ZEB2: variants seen among roughly 807,000 people sequenced by gnomAD.
ZEB2 encodes zinc finger E-box binding homeobox 2, also known as zinc finger E-box-binding homeobox 2.
In ZEB2, 6 loss-of-function variants were observed where a neutral mutation model predicts 99.9. The ratio of observed to expected loss-of-function variants is 0.06; its 90% CI spans 0.03 to 0.12. The LOEUF (loss-of-function observed/expected upper bound fraction) is 0.12. Ranked by LOEUF, ZEB2 falls within the 10% of genes least tolerant of loss-of-function variation. The pLI is 1.00. For synonymous variants in ZEB2, 517 were observed against 542.5 expected, an observed-to-expected ratio of 0.95 and a Z score of 0.65; for missense variants, 969 against 1,502.8, an observed-to-expected ratio of 0.64 and a Z score of 5.87.
At chr2:144,390,359 T>C (rs2149872858) in intron 9 of ZEB2, among the ~76,000 whole-genome samples, 1 of 152,324 alleles carries the variant, frequency 6.6e-6, no homozygotes, top group South Asian at 2.1e-4. Context: ...TTTCTAGTGA[T>C]CTAGCACATG....
intron 8 of ZEB2, chr2:144,397,885 C>T (rs1703251086): frequency 9.2e-6 from 3 of 325,522 alleles, no homozygotes; most frequent in South Asian, 7.9e-5. Context: ...AAGTGATCCA[C>T]CCTCGTTGGC....
chr2:144,412,717 ATAT>A (rs905367185), intron 4 of ZEB2, among the ~76,000 whole-genome samples: 8 of 152,294 alleles, frequency 5.3e-5, no homozygotes, highest in Admixed American at 6.5e-5. Context: ...AATTGGTCCC[ATAT>A]TATTATTATT....
At chr2:144,405,183 T>A in intron 4 of ZEB2, 159 bp from the exon 5 acceptor site, 2 of 751,992 alleles carry the variant, frequency 2.7e-6, no homozygotes, top group Non-Finnish European at 4.4e-6. Flanking sequence ...ATTGACTGAA[T>A]GCTTATTCTT....
At chr2:144,512,241 G>A in intron 2 of ZEB2, 1 of 1,287,238 alleles carries the variant, frequency 7.8e-7, no homozygotes, top group South Asian at 1.2e-5. Flanking sequence ...CCACGGTGCT[G>A]AGAGGAAAAG....
intron 2 of ZEB2, among the ~76,000 whole-genome samples, chr2:144,482,901 C>T (rs148095927): frequency 6.6e-6 from 1 of 152,168 alleles, no homozygotes; most frequent in Non-Finnish European, 1.5e-5. Context: ...ATTCCTTGCA[C>T]TATGCTTCCA....
intron 2 of ZEB2, among the ~76,000 whole-genome samples, chr2:144,432,073 A>C (rs1703781039): frequency 6.6e-6 from 1 of 151,856 alleles, no homozygotes; most frequent in Admixed American, 6.6e-5. Context: ...GTGACACGTG[A>C]GTGTTCCTGC....
chr2:144,393,262 G>T (rs1703175525), intron 9 of ZEB2, among the ~76,000 whole-genome samples: 1 of 152,128 alleles, frequency 6.6e-6, no homozygotes, highest in South Asian at 2.1e-4. Flanking sequence ...TAAGCCATTG[G>T]TAAGAAAAAT....
intron 6 of ZEB2, 71 bp downstream of exon 6, chr2:144,403,845 T>A: frequency 6.3e-7 from 1 of 1,583,668 alleles, no homozygotes; most frequent in Non-Finnish European, 8.7e-7. Flanking sequence ...TAATAATGAT[T>A]GCCAATCAAA....
chr2:144,412,100 T>A (rs191808838), intron 4 of ZEB2, among the ~76,000 whole-genome samples: 2 of 152,256 alleles, frequency 1.3e-5, no homozygotes, highest in East Asian at 3.9e-4. Flanking sequence ...AGAAACACCA[T>A]CTCTACTAAA....
chr2:144,510,687 CCTCTCTCT>C lies in ZEB2; in HGVS notation c.73+6583_73+6590del, dbSNP rs34688250. Among the ~76,000 whole-genome samples the C allele has an allele frequency of 3.8e-3, 559 of 147,972 alleles. 2 individuals are homozygous for C. Among genetic ancestry groups the C allele is most frequent in the African/African-American group, 7.2e-3 (291 of 40,214 alleles). On this transcript the variant is annotated intron_variant, in intron 2 of 9. Coordinates refer to ENST00000627532, the MANE Select transcript of ZEB2 (RefSeq NM_014795.4). ...TATTTTACTCAGCTACTACCCTGTG[CCTCTCTCT>C]CTCTCTCTCTCTCTCTCTCTCTTTC...
rs908943407 is a variant in ZEB2 at position 144,398,640 on chromosome 2, A to G, written c.2547T>C (p.Val849=). 8.7e-6 allele frequency: 14 copies of G among 1,614,022 alleles called. No individual in the cohort carries two copies. The Admixed American group carries it at 1.7e-4, about 19-fold the overall frequency. ...ASSISLDHNS[V]SSSSENSDEP... The stretch of plus-strand genomic sequence containing the variant: ...CATCTGAGTTTTCAGATGAGGAAGA[A>G]ACACTGTTATGATCTAAACTGATGC... The change falls in exon 8 of 10, where the codon GTT becomes GTC. Residue 849 remains valine (V), a synonymous_variant. Coordinates refer to ENST00000627532, the MANE Select transcript of ZEB2 (RefSeq NM_014795.4).
At chr2:144,463,085 T>G (rs1427396269) in intron 2 of ZEB2, 3 of 152,152 alleles carry the variant, frequency 2.0e-5, no homozygotes, top group Non-Finnish European at 1.5e-5. Flanking sequence ...ACTGCCACGG[T>G]AAACAATTTG....
intron 2 of ZEB2, among the ~76,000 whole-genome samples, chr2:144,485,674 C>A (rs1704583960): frequency 6.6e-6 from 1 of 152,112 alleles, no homozygotes; most frequent in Non-Finnish European, 1.5e-5. Flanking sequence ...AGCTGGGGTG[C>A]AACGGCATGA....
chr2:144,437,815 A>G (rs886533807), intron 2 of ZEB2, among the ~76,000 whole-genome samples: 5 of 152,216 alleles, frequency 3.3e-5, no homozygotes, highest in African/African-American at 9.6e-5. Context: ...AGGTTACACA[A>G]CTTTCAAAGC....
rs1249082079 is a variant in ZEB2 at position 144,425,664 on chromosome 2, G to T, written c.332-797C>A. ...AACTGCAATATTTTAAAATAAGGGA[G>T]AATTTGAAAAATAGGGGCACTCTCA... On this transcript the variant is annotated intron_variant, in intron 3 of 9. Coordinates refer to ENST00000627532, the MANE Select transcript of ZEB2 (RefSeq NM_014795.4). Among the ~76,000 whole-genome samples, 3 of 152,212 alleles carry T rather than the reference G, an allele frequency of 2.0e-5. No homozygotes were observed. In the South Asian group the frequency reaches 6.2e-4, roughly 32 times the overall value.
chr2:144,472,978 T>C (rs900472925), intron 2 of ZEB2, among the ~76,000 whole-genome samples: 1 of 151,826 alleles, frequency 6.6e-6, no homozygotes, highest in Non-Finnish European at 1.5e-5. Flanking sequence ...ACCAAAAACA[T>C]AGACAAGAGA....
At chr2:144,465,047 C>T (rs1704253036) in intron 2 of ZEB2, among the ~76,000 whole-genome samples, 1 of 152,192 alleles carries the variant, frequency 6.6e-6, no homozygotes, top group African/African-American at 2.4e-5. Context: ...GTCCAACTCA[C>T]CTTTCCGCCA....
chr2:144,398,794 C>G lies in ZEB2; in HGVS notation c.2393G>C (p.Ser798Thr). 1 of 1,614,046 alleles carries G rather than the reference C, an allele frequency of 6.2e-7. No individual in the cohort carries two copies. ...LSSTSSKNSHSSSYTPNSFSS... is the reference protein window; with the variant it reads ...LSSTSSKNSHTSSYTPNSFSS... ...GAAGCTGTTTGGAGTGTATGAACTA[C>G]TGTGGGAGTTTTTAGAAGATGTGGA... The change falls in exon 8 of 10, where the codon AGT becomes ACT. Residue 798 changes from serine (S) to threonine (T), a missense_variant. Ser to Thr is a moderately conservative substitution (Grantham distance 58). This residue lies in a region of ZEB2 where 346 missense variants were observed against 460.0 expected (regional missense o/e 0.75). Coordinates refer to ENST00000627532, the MANE Select transcript of ZEB2 (RefSeq NM_014795.4).
chr2:144,402,307 C>T (rs1226161407), intron 6 of ZEB2, among the ~76,000 whole-genome samples: 2 of 152,092 alleles, frequency 1.3e-5, no homozygotes, highest in Admixed American at 6.5e-5. Flanking sequence ...AGCACAGAAA[C>T]GGTATGACAA....
Sources: gnomAD v4.1 joint callset for allele counts (sites outside exome capture counted in the v4.1 genomes callset) on GRCh38, gnomAD v4.1.1 for gene constraint, gnomAD v4.1.1 regional missense constraint, MANE v1.5 for transcripts, NCBI Gene and HGNC (gene_info 2026-07-23, HGNC 2026-07-21) for gene names.